The following NTN4 variants were observed in gnomAD, a reference collection of about 807,000 sequenced individuals.
NTN4 encodes the protein netrin-4.
In NTN4, 32 loss-of-function variants were observed where a neutral mutation model predicts 73.6. The observed-to-expected ratio is 0.44, with a 90% CI of 0.33 to 0.58. The LOEUF is 0.58. NTN4 is among the 20% of genes least tolerant of loss of function. The pLI is 0.04. For synonymous variants in NTN4, 258 were observed against 287.5 expected, an observed-to-expected ratio of 0.90 and a Z score of 1.04; for missense variants, 654 against 798.3, an observed-to-expected ratio of 0.82 and a Z score of 2.18.
chr12:95,668,447 TC>T (rs202240369), intron 8 of NTN4, among the ~76,000 whole-genome samples: 2,801 of 144,752 alleles, frequency 0.019, 37 homozygotes, highest in East Asian at 0.094. Context: ...AAACTGCCTT[TC>T]CTTTATTGAG....
intron 2 of NTN4, among the ~76,000 whole-genome samples, chr12:95,750,896 C>A (rs1457442391): frequency 2.6e-5 from 4 of 152,218 alleles, no homozygotes; most frequent in East Asian, 1.9e-4. Context: ...ACTAGCCCTC[C>A]CCCACCTGCC....
chr12:95,726,639 T>C (rs913707342), intron 3 of NTN4, among the ~76,000 whole-genome samples: 1 of 152,166 alleles, frequency 6.6e-6, no homozygotes, highest in Non-Finnish European at 1.5e-5. Context: ...AGGGGTAGAA[T>C]TGCTGGGTCA....
At chr12:95,777,794 CT>C (rs1311346874) in intron 2 of NTN4, among the ~76,000 whole-genome samples, 2 of 152,190 alleles carry the variant, frequency 1.3e-5, no homozygotes, top group Non-Finnish European at 2.9e-5. Flanking sequence ...AGGAATTGAA[CT>C]CAGCTCTGCA....
At chr12:95,744,032 G>A (rs949971770) in intron 2 of NTN4, among the ~76,000 whole-genome samples, 5 of 152,268 alleles carry the variant, frequency 3.3e-5, no homozygotes, top group Admixed American at 6.5e-5. Flanking sequence ...CTCCCAGGTA[G>A]TTGGGATTAC....
At chr12:95,719,416 T>C (rs2078630311) in intron 3 of NTN4, among the ~76,000 whole-genome samples, 2 of 152,266 alleles carry the variant, frequency 1.3e-5, no homozygotes, top group South Asian at 4.1e-4. Flanking sequence ...CCTCTATAGC[T>C]ATGACACATA....
At chr12:95,746,557 T>C (rs927519815) in intron 2 of NTN4, among the ~76,000 whole-genome samples, 1 of 152,050 alleles carries the variant, frequency 6.6e-6, no homozygotes, top group African/African-American at 2.4e-5. Flanking sequence ...AACAAGGGTG[T>C]TTCTCTCTCT....
intron 3 of NTN4, among the ~76,000 whole-genome samples, chr12:95,730,835 T>G (rs2078731966): frequency 6.6e-6 from 1 of 152,200 alleles, no homozygotes; most frequent in African/African-American, 2.4e-5. Context: ...TTGTTAATAT[T>G]AGGAATATGT....
chr12:95,759,529 C>T (rs1253819704), intron 2 of NTN4, among the ~76,000 whole-genome samples: 5 of 142,898 alleles, frequency 3.5e-5, no homozygotes, highest in Admixed American at 7.1e-5. Flanking sequence ...TGCTCTATCT[C>T]GGCTCACTGC....
intron 2 of NTN4, among the ~76,000 whole-genome samples, chr12:95,773,569 G>T (rs371846139): frequency 5.3e-5 from 8 of 152,158 alleles, no homozygotes; most frequent in Middle Eastern, 3.4e-3. Flanking sequence ...AGACTGGAAG[G>T]TGCCAGGCGG....
intron 2 of NTN4, among the ~76,000 whole-genome samples, chr12:95,752,714 G>C (rs1375553160): frequency 6.6e-6 from 1 of 152,190 alleles, no homozygotes; most frequent in Non-Finnish European, 1.5e-5. Context: ...GGTTAGCGCA[G>C]TCAGAATTCT....
rs1160996363 is a variant in NTN4, at chr12:95,678,364, AAAAAG to A, written c.1510+4338_1510+4342del. On this transcript the variant is annotated intron_variant, in intron 7 of 9. Coordinates refer to ENST00000343702, the MANE Select transcript of NTN4 (RefSeq NM_021229.4). ...GAACTTAAAGTAAAAAAAAAAAAAAAAAAAGAATAGTTTGATACCGGAAAAAAATT... is the reference window on the plus strand; with the variant it reads ...GAACTTAAAGTAAAAAAAAAAAAAAAAATAGTTTGATACCGGAAAAAAATT... Among the ~76,000 whole-genome samples, 4 of 152,088 alleles carry A rather than the reference AAAAAG, an allele frequency of 2.6e-5. No individual in the cohort carries two copies. In the East Asian group the frequency reaches 7.7e-4, roughly 29 times the overall value.
chr12:95,754,136 T>G (rs907017568), intron 2 of NTN4, among the ~76,000 whole-genome samples: 1 of 152,222 alleles, frequency 6.6e-6, no homozygotes, highest in Non-Finnish European at 1.5e-5. Flanking sequence ...CTCCCAATTC[T>G]TAGACCTTTT....
At position 95,725,006 on chromosome 12, in the gene NTN4, A is replaced by AGGATTTTTTTTTTTTTTTTTTTTTT. The variant is rs1454896864; in HGVS notation, c.865-11669_865-11668insAAAAAAAAAAAAAAAAAAAAAATCC. ...ATCTTAGAACAGTGATGTCATCAGG[A>AGGATTTTTTTTTTTTTTTTTTTTTT]TTTTTTTTTTTTTTTTGCTTCCCAC... is the stretch of plus-strand genomic sequence containing the variant. On this transcript the variant is annotated intron_variant, in intron 3 of 9. Coordinates refer to ENST00000343702, the MANE Select transcript of NTN4 (RefSeq NM_021229.4). Among the ~76,000 whole-genome samples, 3 of 135,840 alleles carry AGGATTTTTTTTTTTTTTTTTTTTTT rather than the reference A, an allele frequency of 2.2e-5. 1 individual carries two copies. The highest frequency in any genetic ancestry group is 3.2e-5 in the Non-Finnish European group (2 of 62,470). The allele number at this position is 135,840 out of a possible 152,430, so 89.1% of individuals were successfully genotyped here.
chr12:95,710,616 A>C lies in NTN4; in HGVS notation c.1005T>G (p.Asn335Lys), dbSNP rs756598787. The change falls in exon 5 of 10, where the codon AAT (asparagine) becomes AAG (lysine). Residue 335 changes from asparagine to lysine, a missense_variant. Coordinates refer to ENST00000343702, the MANE Select transcript of NTN4 (RefSeq NM_021229.4). ...APNECRTCKC[N>K]GHADTCHFDV... ...CGAAGTGACAGGTATCAGCATGCCC[A>C]TTACACTTGCAGGCTGGAAATAAGA... 6.2e-7 allele frequency: 1 copy of C among 1,612,814 alleles called. No homozygotes were observed. Among genetic ancestry groups the C allele is most frequent in the African/African-American group, 1.3e-5 (1 of 74,888 alleles).
chr12:95,764,652 G>A (rs1429435741), intron 2 of NTN4, among the ~76,000 whole-genome samples: 3 of 145,402 alleles, frequency 2.1e-5, no homozygotes, highest in Non-Finnish European at 4.5e-5. Flanking sequence ...GTGAGAAAGC[G>A]AGACTCCATC....
chr12:95,731,739 G>A lies in NTN4; in HGVS notation c.864+6127C>T, dbSNP rs535793248. Among the ~76,000 whole-genome samples the A allele has an allele frequency of 5.9e-5, 9 of 151,898 alleles. No homozygotes were observed. The South Asian group carries it at 6.3e-4, about 11-fold the overall frequency. On this transcript the variant is annotated intron_variant, in intron 3 of 9. Coordinates refer to ENST00000343702, the MANE Select transcript of NTN4 (RefSeq NM_021229.4). ...CCTCTCTTTTCTCTGTTCTTGGCACGATGTCAACCCTGGTTAGATCCAAGT... is the reference window on the plus strand; with the variant it reads ...CCTCTCTTTTCTCTGTTCTTGGCACAATGTCAACCCTGGTTAGATCCAAGT...
intron 2 of NTN4, among the ~76,000 whole-genome samples, chr12:95,755,069 TTTA>T (rs2078938828): frequency 6.6e-6 from 1 of 152,366 alleles, no homozygotes; most frequent in African/African-American, 2.4e-5. Flanking sequence ...ATTTCTATTG[TTTA>T]TTAAGTTATG....
At chr12:95,707,213 GCT>G (rs1240106747) in intron 5 of NTN4, among the ~76,000 whole-genome samples, 94 of 152,182 alleles carry the variant, frequency 6.2e-4, no homozygotes, top group African/African-American at 2.1e-3. Context: ...GCTTACAGTG[GCT>G]CATCAGTACA....
At chr12:95,713,472 A>G (rs1164971161) in intron 3 of NTN4, 134 bp from the exon 4 acceptor site, 4 of 975,564 alleles carry the variant, frequency 4.1e-6, no homozygotes, top group Non-Finnish European at 5.8e-6. Flanking sequence ...GAAGTTAGCC[A>G]TCAAGAGGAG....
Sources: allele counts gnomAD v4.1 joint callset (sites outside exome capture counted in the v4.1 genomes callset), GRCh38; gene constraint gnomAD v4.1.1; transcripts MANE v1.5; gene names NCBI Gene and HGNC (gene_info 2026-07-23, HGNC 2026-07-21).